PLEKHA6: variants seen among roughly 807,000 people sequenced by gnomAD.
PLEKHA6 encodes pleckstrin homology domain-containing family A member 6.
A neutral mutation model predicts 116.7 loss-of-function variants in PLEKHA6; 60 were observed. That is an observed-to-expected ratio of 0.51 (90% CI 0.42 to 0.64). The LOEUF (loss-of-function observed/expected upper bound fraction) is 0.64. PLEKHA6 is among the 30% of genes least tolerant of loss of function. The pLI is 0.00. For synonymous variants in PLEKHA6, 489 were observed against 556.1 expected (o/e 0.88, Z 1.70); for missense variants, 1,338 against 1,422.7 (o/e 0.94, Z 0.96).
intron 1 of PLEKHA6, among the ~76,000 whole-genome samples, chr1:204,283,479 G>A (rs1355747771): frequency 2.0e-5 from 3 of 152,290 alleles, no homozygotes; most frequent in East Asian, 1.9e-4. Flanking sequence ...AAAATAAAAC[G>A]CATGCAATCT....
intron 1 of PLEKHA6, among the ~76,000 whole-genome samples, chr1:204,317,773 A>G (rs1200015362): frequency 6.6e-6 from 1 of 152,232 alleles, no homozygotes; most frequent in Non-Finnish European, 1.5e-5. Flanking sequence ...TGTATACTGC[A>G]CTTGGTAAGA....
At position 204,297,921 on chromosome 1, in the gene PLEKHA6, C is replaced by G. The variant is rs1670443505; in HGVS notation, c.-94-23112G>C. The G allele has an allele frequency of 4.1e-6, 4 of 983,936 alleles. No homozygotes were observed. The Middle Eastern group carries it at 1.6e-3, about 386-fold the overall frequency. The allele number at this position is 983,936 out of a possible 1,614,324, so 61.0% of individuals were successfully genotyped here. On this transcript the variant is annotated intron_variant, in intron 1 of 22. Transcript: ENST00000272203. ...GAAGACGGCATCTTGATCTAGGACC[C>G]CTTTGCTGTCCTCCCCCTACTCCTC...
intron 17 of PLEKHA6, among the ~76,000 whole-genome samples, chr1:204,233,117 T>C (rs758273657): frequency 9.9e-5 from 15 of 151,918 alleles, no homozygotes; most frequent in Admixed American, 2.0e-4. Context: ...ATGACTTACT[T>C]ATGCTTGTCC....
At chr1:204,231,569 C>CT (rs142955448) in intron 17 of PLEKHA6, among the ~76,000 whole-genome samples, 70,608 of 138,854 alleles carry the variant, frequency 0.51, 18,481 homozygotes, top group African/African-American at 0.65. Flanking sequence ...TTTTTTCTTT[C>CT]TTTTTTTTTT....
intron 1 of PLEKHA6, among the ~76,000 whole-genome samples, chr1:204,283,926 G>C (rs528337510): frequency 6.6e-6 from 1 of 151,030 alleles, no homozygotes; most frequent in South Asian, 2.1e-4. Context: ...TCACACACAG[G>C]GGAACTGAAT....
intron 1 of PLEKHA6, among the ~76,000 whole-genome samples, chr1:204,312,868 TTTC>T (rs1016513459): frequency 2.0e-4 from 30 of 151,164 alleles, no homozygotes; most frequent in Non-Finnish European, 4.0e-4. Context: ...TTTCTTTTCT[TTTC>T]TTTTCTTTTC....
intron 1 of PLEKHA6, among the ~76,000 whole-genome samples, chr1:204,338,813 G>A (rs76298940): frequency 6.6e-6 from 1 of 152,176 alleles, no homozygotes; most frequent in African/African-American, 2.4e-5. Context: ...AGGGACTCTC[G>A]CATGGCCTCT....
At position 204,241,458 on chromosome 1, in the gene PLEKHA6, T is replaced by G; in HGVS notation, c.2326A>C (p.Lys776Gln). 1 of 1,607,762 alleles carries G rather than the reference T, an allele frequency of 6.2e-7. No homozygotes were observed. The highest frequency in any genetic ancestry group is 8.5e-7 in the Non-Finnish European group (1 of 1,177,044). ...GTCACCTCATCATCAGTGGGCGATT[T>G]TGTCCGAGGGGGCACAACGCCAACT... ...NKVGVVPPRTKSPTDDEVTPS... is the reference protein window; with the variant it reads ...NKVGVVPPRTQSPTDDEVTPS... Residue 776 changes from lysine to glutamine, a missense_variant, in exon 17 of 23, where the codon AAA (lysine) becomes CAA (glutamine). Lys to Gln is a moderately conservative substitution (Grantham distance 53). Transcript: ENST00000272203.
In PLEKHA6 at chr1:204,337,655, C is replaced by A. The variant is rs747147741; in HGVS notation, c.-95+22039G>T. ...CCTCAGCTGCTCTAGGAGAAGCCTC[C>A]GGGGTGACTGGAGACCTGGCTGTCT... On this transcript the variant is annotated intron_variant, in intron 1 of 22. Transcript: ENST00000272203. 2.9e-4 allele frequency among the ~76,000 whole-genome samples: 44 copies of A among 152,090 alleles called. 1 individual carries two copies. Among genetic ancestry groups the A allele is most frequent in the Admixed American group, 9.2e-4 (14 of 15,270 alleles).
Position 204,262,869 on chromosome 1 carries a change from C to T in PLEKHA6, c.382-1421G>A, listed in dbSNP as rs551953113. Among the ~76,000 whole-genome samples the T allele has an allele frequency of 6.8e-4, 103 of 151,928 alleles. 6 individuals carry two copies. Among genetic ancestry groups the T allele is most frequent in the African/African-American group, 4.8e-5 (2 of 41,346 alleles). On this transcript the variant is annotated intron_variant, in intron 6 of 22. Coordinates refer to ENST00000272203, the MANE Select transcript of PLEKHA6 (RefSeq NM_014935.5). ...GTGAAGACTAAGAAGCTGAGACTTGCGACGGATAGGGGATAGAGAGACCAG... is the reference window on the plus strand; with the variant it reads ...GTGAAGACTAAGAAGCTGAGACTTGTGACGGATAGGGGATAGAGAGACCAG...
upstream of PLEKHA6, among the ~76,000 whole-genome samples, chr1:204,362,488 C>T (rs117331667): frequency 4.3e-4 from 65 of 152,284 alleles, no homozygotes; most frequent in East Asian, 0.012. Flanking sequence ...CCCTACCATA[C>T]AGTCTTGGTG....
Position 204,259,850 on chromosome 1 carries a change from G to T in PLEKHA6, c.525-110C>A. 8.5e-7 allele frequency: 1 copy of T among 1,170,296 alleles called. No homozygotes were observed. Among genetic ancestry groups the T allele is most frequent in the Non-Finnish European group, 1.2e-6 (1 of 846,748 alleles). 72.5% of individuals were successfully genotyped at this position (1,170,296 alleles called of 1,614,324 possible). On this transcript the variant is annotated intron_variant, in intron 7 of 22. Coordinates refer to ENST00000272203, the MANE Select transcript of PLEKHA6 (RefSeq NM_014935.5). The surrounding 1 kb of genome is among the most constrained non-coding windows in gnomAD (Gnocchi z 4.6). Reference sequence around the variant, plus strand: ...GTGGGGAAGGATGGGCAGGGAGGTGGCTGGAACCAGGATTCTATGAACTCC... The same window carrying T: ...GTGGGGAAGGATGGGCAGGGAGGTGTCTGGAACCAGGATTCTATGAACTCC...
chr1:204,306,565 T>TAC (rs1671329323), intron 1 of PLEKHA6, among the ~76,000 whole-genome samples: 1 of 152,196 alleles, frequency 6.6e-6, no homozygotes. Flanking sequence ...ATCCCTTGGG[T>TAC]TGGTTCAAGC....
rs989338272 is a variant in PLEKHA6 at position 204,346,676 on chromosome 1, G to A, written c.-95+13018C>T. The A allele has an allele frequency of 4.3e-6, 3 of 696,232 alleles. No individual in the cohort carries two copies. In the African/African-American group the frequency reaches 5.3e-5, roughly 12 times the overall value. The allele number at this position is 696,232 out of a possible 1,614,324, so 43.1% of individuals were successfully genotyped here. On this transcript the variant is annotated intron_variant, in intron 1 of 22. Transcript: ENST00000272203. ...CATGGGTAAGTGACCCATCACCTCA[G>A]AAACAGACTCTTTGTATTCTCTTTC...
chr1:204,342,410 C>T (rs1344645212), intron 1 of PLEKHA6, among the ~76,000 whole-genome samples: 3 of 152,196 alleles, frequency 2.0e-5, no homozygotes, highest in Admixed American at 6.5e-5. Context: ...AGCTTTATGT[C>T]CCCAGGAACC....
chr1:204,267,622 G>A, intron 4 of PLEKHA6, 75 bp from the exon 5 acceptor site: 1 of 1,253,418 alleles, frequency 8.0e-7, no homozygotes. Context: ...CAGGGAAAAG[G>A]GCACAGTGCC....
intron 3 of PLEKHA6, 66 bp from the exon 4 acceptor site, chr1:204,268,378 A>T: frequency 7.9e-6 from 9 of 1,136,130 alleles, no homozygotes; most frequent in South Asian, 1.5e-5. Context: ...TCTGCAAGGG[A>T]GCCACCCCTG....
chr1:204,289,536 G>T (rs1269538480), intron 1 of PLEKHA6, among the ~76,000 whole-genome samples: 1 of 152,180 alleles, frequency 6.6e-6, no homozygotes, highest in African/African-American at 2.4e-5. Context: ...CTAGCAGCCC[G>T]CGGGGTGGCT....
chr1:204,288,760 C>T (rs1393921552), intron 1 of PLEKHA6, among the ~76,000 whole-genome samples: 1 of 152,062 alleles, frequency 6.6e-6, no homozygotes, highest in Non-Finnish European at 1.5e-5. Flanking sequence ...TATTTTTTTA[C>T]CTTAATGTCT....
Sources: allele counts gnomAD v4.1 joint callset (sites outside exome capture counted in the v4.1 genomes callset), GRCh38; gene constraint gnomAD v4.1.1; non-coding constraint Gnocchi (gnomAD v3.1); transcripts MANE v1.5; gene names NCBI Gene and HGNC (gene_info 2026-07-23, HGNC 2026-07-21).